The following NSMAF variants were observed in gnomAD, a reference collection of about 807,000 sequenced individuals.
The protein encoded by NSMAF is neutral sphingomyelinase activation associated factor.
NSMAF carries 90 observed loss-of-function variants against 134.9 expected under a neutral mutation model. The observed-to-expected ratio is 0.67, with a 90% CI of 0.56 to 0.79. The LOEUF (loss-of-function observed/expected upper bound fraction) is 0.79. Ranked by LOEUF, NSMAF falls within the 30% of genes least tolerant of loss-of-function variation. The pLI, the probability that NSMAF is intolerant of heterozygous loss-of-function variation, is 0.00. For synonymous variants in NSMAF, 358 were observed against 389.6 expected (o/e 0.92, Z 0.96); for missense variants, 1,010 against 1,119.0 (o/e 0.90, Z 1.39).
intron 1 of NSMAF, among the ~76,000 whole-genome samples, chr8:58,652,080 A>G (rs890728139): frequency 2.0e-5 from 3 of 152,126 alleles, no homozygotes; most frequent in African/African-American, 7.2e-5. Context: ...ATCAGAGAAC[A>G]TTTGTTCTAG....
chr8:58,657,481 A>G (rs1455947100), intron 1 of NSMAF, among the ~76,000 whole-genome samples: 3 of 152,218 alleles, frequency 2.0e-5, no homozygotes. Context: ...GTGTTTATTG[A>G]TGCAAGGGGA....
chr8:58,609,216 G>A (rs1806471643), intron 10 of NSMAF, among the ~76,000 whole-genome samples: 1 of 152,146 alleles, frequency 6.6e-6, no homozygotes, highest in Non-Finnish European at 1.5e-5. Context: ...ACCAACATCT[G>A]TGTATATATA....
At chr8:58,595,035 G>C (rs998500082) in intron 22 of NSMAF, among the ~76,000 whole-genome samples, 1 of 152,190 alleles carries the variant, frequency 6.6e-6, no homozygotes. Context: ...AGAACATGAA[G>C]GTCTTAATGA....
intron 1 of NSMAF, 64 bp downstream of exon 1, chr8:58,659,509 C>A (rs1460754215): frequency 6.8e-7 from 1 of 1,460,592 alleles, no homozygotes; most frequent in South Asian, 1.3e-5. Context: ...GATCTCCGGC[C>A]GGCGTCCCCA....
intron 2 of NSMAF, among the ~76,000 whole-genome samples, chr8:58,639,102 G>A (rs922364747): frequency 2.6e-5 from 4 of 152,040 alleles, no homozygotes; most frequent in African/African-American, 9.7e-5. Context: ...GGCTAACACG[G>A]TGAAACCCCG....
At chr8:58,624,213 T>C (rs536617739) in intron 6 of NSMAF, among the ~76,000 whole-genome samples, 1 of 152,134 alleles carries the variant, frequency 6.6e-6, no homozygotes, top group South Asian at 2.1e-4. Context: ...GGCTAATTTT[T>C]GTATTTTTAG....
chr8:58,659,373 G>T, intron 1 of NSMAF, 200 bp downstream of exon 1: 1 of 1,522,368 alleles, frequency 6.6e-7, no homozygotes, highest in East Asian at 2.6e-5. Context: ...GCAGGCTCCG[G>T]CCCAGACCAG....
chr8:58,596,761 C>G (rs1806143970), intron 21 of NSMAF, among the ~76,000 whole-genome samples: 1 of 151,976 alleles, frequency 6.6e-6, no homozygotes, highest in Non-Finnish European at 1.5e-5. Context: ...AACCCTGTCT[C>G]TACTAAAAAT....
rs1807152742 is a variant in NSMAF at position 58,635,494 on chromosome 8, C to G, written c.202G>C (p.Asp68His). The change falls in exon 3 of 31, where the codon GAT becomes CAT. Residue 68 changes from aspartate (D) to histidine (H), a missense_variant. Coordinates refer to ENST00000038176, the MANE Select transcript of NSMAF (RefSeq NM_003580.4). The part of the protein sequence containing the change: ...ICSKSVIFEP[D>H]SISQPIIKIP... ...TTGATGATGGGCTGGGATATTGAAT[C>G]TGGTTCAAAAATCACCGATTTTGAA... 6.2e-7 allele frequency: 1 copy of G among 1,606,424 alleles called. No individual in the cohort carries two copies. Among genetic ancestry groups the G allele is most frequent in the African/African-American group, 1.3e-5 (1 of 74,502 alleles).
chr8:58,588,357 G>C, intron 26 of NSMAF: 4 of 773,168 alleles, frequency 5.2e-6, no homozygotes, highest in Non-Finnish European at 8.8e-6. Flanking sequence ...TTTAAGTACA[G>C]TTTCCATTTA....
intron 6 of NSMAF, among the ~76,000 whole-genome samples, chr8:58,625,474 C>T (rs1281525423): frequency 4.6e-5 from 7 of 151,974 alleles, no homozygotes; most frequent in Non-Finnish European, 1.5e-5. Context: ...CTCTGGAGAA[C>T]CCTGACTAAT....
chr8:58,626,079 C>T (rs1182067687), intron 6 of NSMAF, among the ~76,000 whole-genome samples: 3 of 144,528 alleles, frequency 2.1e-5, no homozygotes, highest in Non-Finnish European at 4.5e-5. Context: ...CCCCAAAGTC[C>T]ATTATATAAT....
chr8:58,649,511 G>A (rs369297270), intron 1 of NSMAF, among the ~76,000 whole-genome samples: 4 of 152,228 alleles, frequency 2.6e-5, no homozygotes, highest in South Asian at 4.1e-4. Context: ...GATATAGTTC[G>A]GATGTTTGTC....
At chr8:58,613,625 T>A (rs1301365543) in intron 9 of NSMAF, among the ~76,000 whole-genome samples, 1 of 152,184 alleles carries the variant, frequency 6.6e-6, no homozygotes, top group African/African-American at 2.4e-5. Flanking sequence ...AATGATGTTT[T>A]GGTCAATGAC....
At chr8:58,637,920 AT>A (rs1196844517) in intron 2 of NSMAF, among the ~76,000 whole-genome samples, 1 of 152,230 alleles carries the variant, frequency 6.6e-6, no homozygotes, top group East Asian at 1.9e-4. Context: ...AAATGTCCAT[AT>A]TTTCCAAAGC....
intron 1 of NSMAF, among the ~76,000 whole-genome samples, chr8:58,648,621 T>G (rs1002309078): frequency 6.6e-6 from 1 of 152,202 alleles, no homozygotes; most frequent in African/African-American, 2.4e-5. Context: ...AGCTTCCCAC[T>G]ACCCCATACA....
intron 16 of NSMAF, 84 bp downstream of exon 16, chr8:58,601,201 T>C: frequency 2.6e-6 from 3 of 1,155,708 alleles, no homozygotes; most frequent in Non-Finnish European, 3.9e-6. Context: ...ACTTTTTTAT[T>C]ATATCCAGTG....
At chr8:58,654,732 T>C (rs1029684030) in intron 1 of NSMAF, among the ~76,000 whole-genome samples, 2 of 152,246 alleles carry the variant, frequency 1.3e-5, no homozygotes, top group Non-Finnish European at 2.9e-5. Context: ...CTGTGGAACT[T>C]ACAAAGCACA....
intron 1 of NSMAF, chr8:58,659,125 G>A (rs1163207212): frequency 1.9e-5 from 21 of 1,087,870 alleles, no homozygotes; most frequent in East Asian, 5.4e-5. Flanking sequence ...CTGCGGCGCC[G>A]GCGCCGAGTG....
Sources: allele counts gnomAD v4.1 joint callset (sites outside exome capture counted in the v4.1 genomes callset), GRCh38; gene constraint gnomAD v4.1.1; transcripts MANE v1.5; gene names NCBI Gene and HGNC (gene_info 2026-07-23, HGNC 2026-07-21).